CNTNAP2: variants seen among roughly 807,000 people sequenced by gnomAD.
CNTNAP2 encodes contactin-associated protein-like 2.
A neutral mutation model predicts 155.2 loss-of-function variants in CNTNAP2; 98 were observed. That is an observed-to-expected ratio of 0.63 (90% CI 0.54 to 0.75). The LOEUF (loss-of-function observed/expected upper bound fraction) is 0.75, where lower values mean the gene tolerates loss of function less well. Ranked by LOEUF, CNTNAP2 falls within the 30% of genes least tolerant of loss-of-function variation. The pLI is 0.00. For missense variants in CNTNAP2, 1,727 were observed against 1,688.1 expected, an observed-to-expected ratio of 1.02 and a Z score of -0.40; for synonymous variants, 651 against 631.2, an observed-to-expected ratio of 1.03 and a Z score of -0.47.
At chr7:147,297,081 CA>C (rs990567353) in intron 8 of CNTNAP2, among the ~76,000 whole-genome samples, 3 of 151,950 alleles carry the variant, frequency 2.0e-5, no homozygotes, top group East Asian at 1.9e-4. Context: ...TTAAACTTAA[CA>C]AAAAAAATTA....
At chr7:146,756,713 C>T (rs1038379408) in intron 1 of CNTNAP2, among the ~76,000 whole-genome samples, 1 of 151,958 alleles carries the variant, frequency 6.6e-6, no homozygotes, top group Non-Finnish European at 1.5e-5. Flanking sequence ...GACCAAAATG[C>T]AAAGGTAGGT....
chr7:146,382,660 G>A (rs989984773), intron 1 of CNTNAP2, among the ~76,000 whole-genome samples: 1 of 151,986 alleles, frequency 6.6e-6, no homozygotes, highest in South Asian at 2.1e-4. Context: ...GAGATGCATA[G>A]AATTCTGTAA....
chr7:148,210,708 A>G (rs1414117464), intron 18 of CNTNAP2, among the ~76,000 whole-genome samples: 1 of 152,242 alleles, frequency 6.6e-6, no homozygotes, highest in Non-Finnish European at 1.5e-5. Flanking sequence ...AGAGAATGGC[A>G]GGAAATTGGT....
At chr7:147,624,656 G>A (rs1435516458) in intron 12 of CNTNAP2, among the ~76,000 whole-genome samples, 1 of 152,110 alleles carries the variant, frequency 6.6e-6, no homozygotes, top group Non-Finnish European at 1.5e-5. Context: ...ATACACTGTT[G>A]GTAGAAATGT....
intron 1 of CNTNAP2, among the ~76,000 whole-genome samples, chr7:146,686,424 C>T (rs1800601120): frequency 6.6e-6 from 1 of 152,088 alleles, no homozygotes; most frequent in Non-Finnish European, 1.5e-5. Flanking sequence ...TTCAATCATC[C>T]TCTTCCAGAA....
At chr7:146,605,255 T>C (rs1799027189) in intron 1 of CNTNAP2, among the ~76,000 whole-genome samples, 1 of 151,396 alleles carries the variant, frequency 6.6e-6, no homozygotes, top group African/African-American at 2.4e-5. Flanking sequence ...GGGCTGGCCA[T>C]TTTGTGTATT....
intron 3 of CNTNAP2, 53 bp from the exon 4 acceptor site, chr7:147,043,854 G>C: frequency 1.2e-6 from 2 of 1,602,070 alleles, no homozygotes; most frequent in Non-Finnish European, 1.7e-6. Context: ...CAGAGGACAT[G>C]ATTGTTTCTA....
Position 146,652,176 on chromosome 7 carries a change from C to G in CNTNAP2, c.98-122095C>G, listed in dbSNP as rs545061347. ...ATTAACCCCATTTTAAAGCCACTTG[C>G]ATTTATTAGTGTTAATTACTTGTGT... On this transcript the variant is annotated intron_variant, in intron 1 of 23. Coordinates refer to ENST00000361727, the MANE Select transcript of CNTNAP2 (RefSeq NM_014141.6). Among the ~76,000 whole-genome samples the G allele has an allele frequency of 5.5e-4, 84 of 152,160 alleles. 1 individual carries two copies. Among genetic ancestry groups the G allele is most frequent in the Admixed American group, 5.5e-3 (84 of 15,266 alleles).
chr7:147,817,711 G>C (rs192027719), intron 13 of CNTNAP2, among the ~76,000 whole-genome samples: 35 of 152,128 alleles, frequency 2.3e-4, no homozygotes, highest in Middle Eastern at 3.4e-3. Context: ...AGACCATCCT[G>C]GCTAACATGG....
At chr7:148,061,948 A>AG (rs1563185388) in intron 15 of CNTNAP2, among the ~76,000 whole-genome samples, 71 of 118,166 alleles carry the variant, frequency 6.0e-4, no homozygotes, top group Middle Eastern at 4.2e-3. Context: ...TAGATAGATA[A>AG]ACAGATATAG....
intron 3 of CNTNAP2, among the ~76,000 whole-genome samples, chr7:146,949,904 G>A (rs1019181761): frequency 9.2e-5 from 14 of 152,194 alleles, no homozygotes; most frequent in African/African-American, 3.1e-4. Flanking sequence ...TTTTTAATCT[G>A]TAAATTGATT....
At chr7:148,366,590 G>A (rs562727722) in intron 21 of CNTNAP2, among the ~76,000 whole-genome samples, 3 of 152,258 alleles carry the variant, frequency 2.0e-5, no homozygotes, top group East Asian at 3.9e-4. Context: ...GAACTTATAC[G>A]AATGGCAGAT....
intron 1 of CNTNAP2, among the ~76,000 whole-genome samples, chr7:146,231,998 G>A (rs1183550953): frequency 6.6e-6 from 1 of 152,062 alleles, no homozygotes; most frequent in Non-Finnish European, 1.5e-5. Flanking sequence ...GTTAAACAGA[G>A]GTTATTCTGT....
intron 13 of CNTNAP2, among the ~76,000 whole-genome samples, chr7:147,729,277 C>G (rs931879391): frequency 6.6e-6 from 1 of 151,804 alleles, no homozygotes; most frequent in Non-Finnish European, 1.5e-5. Flanking sequence ...CCTTATCTCA[C>G]CTCAGGTGTC....
chr7:146,370,130 T>G (rs1049941198), intron 1 of CNTNAP2, among the ~76,000 whole-genome samples: 1 of 151,106 alleles, frequency 6.6e-6, no homozygotes, highest in Non-Finnish European at 1.5e-5. Context: ...AAAAAAAAAG[T>G]TTTTTCTTGC....
intron 15 of CNTNAP2, among the ~76,000 whole-genome samples, chr7:148,086,472 T>A (rs1280550659): frequency 6.6e-6 from 1 of 152,212 alleles, no homozygotes; most frequent in African/African-American, 2.4e-5. Flanking sequence ...TTTTGATGTA[T>A]CTAATTTTCC....
At chr7:146,372,626 G>A (rs937834143) in intron 1 of CNTNAP2, among the ~76,000 whole-genome samples, 4 of 152,142 alleles carry the variant, frequency 2.6e-5, no homozygotes, top group African/African-American at 7.2e-5. Context: ...TAAGAGGCGA[G>A]TAAGAAGGAA....
At chr7:148,267,424 G>C (rs756019099) in intron 21 of CNTNAP2, among the ~76,000 whole-genome samples, 1 of 152,062 alleles carries the variant, frequency 6.6e-6, no homozygotes, top group South Asian at 2.1e-4. Context: ...GGAGGCTAAG[G>C]CTGGTGGATC....
At chr7:147,940,647 A>G (rs1184828193) in intron 14 of CNTNAP2, among the ~76,000 whole-genome samples, 2 of 152,102 alleles carry the variant, frequency 1.3e-5, no homozygotes, top group African/African-American at 4.8e-5. Flanking sequence ...GGATTCTCCC[A>G]CCTCAGCCTC....
Sources: gnomAD v4.1 joint callset for allele counts (sites outside exome capture counted in the v4.1 genomes callset) on GRCh38, gnomAD v4.1.1 for gene constraint, MANE v1.5 for transcripts, NCBI Gene and HGNC (gene_info 2026-07-23, HGNC 2026-07-21) for gene names.